PPP2R2A: variants seen among roughly 807,000 people sequenced by gnomAD.
PPP2R2A encodes protein phosphatase 2 regulatory subunit Balpha, also known as serine/threonine-protein phosphatase 2A 55 kDa regulatory subunit B alpha isoform.
In PPP2R2A, 9 loss-of-function variants were observed where a neutral mutation model predicts 53.2. The ratio of observed to expected loss-of-function variants is 0.17; its 90% CI spans 0.10 to 0.30. The LOEUF (loss-of-function observed/expected upper bound fraction) is 0.30, where lower values mean the gene tolerates loss of function less well. PPP2R2A is among the 10% of genes least tolerant of loss of function. PPP2R2A has a pLI of 1.00. For synonymous variants in PPP2R2A, 169 were observed against 174.2 expected, an observed-to-expected ratio of 0.97 and a Z score of 0.23; for missense variants, 235 against 534.6, an observed-to-expected ratio of 0.44 and a Z score of 5.53.
At position 26,371,567 on chromosome 8, in the gene PPP2R2A, CAT is replaced by C. The variant is rs1201611757; in HGVS notation, c.*1158_*1159del. On this transcript the variant is annotated 3_prime_UTR_variant, in exon 10 of 10. Transcript: ENST00000380737. Reference sequence around the variant, plus strand: ...AGTTAGAACTTTTTTGTTATTCAGTCATATAAAATAGCAGAAAACTAACATCA... The same window carrying C: ...AGTTAGAACTTTTTTGTTATTCAGTCATAAAATAGCAGAAAACTAACATCA... The C allele has an allele frequency of 3.9e-5, 6 of 152,054 alleles. No individual in the cohort carries two copies. Among genetic ancestry groups the C allele is most frequent in the African/African-American group, 1.2e-4 (5 of 41,398 alleles). The allele number at this position is 152,054 out of a possible 1,614,324, so 9.4% of individuals were successfully genotyped here. A position where few individuals can be genotyped will look rare whatever the true frequency, so the allele number is the denominator to read the frequency against.
In PPP2R2A at chr8:26,368,350, C is replaced by T. The variant is rs1805487569; in HGVS notation, c.1065-1784C>T. Reference sequence around the variant, plus strand: ...CCCAGTATCCTGTAATCCTTATTTACAATAATAATTTGAACCATTGGTAAG... The same window carrying T: ...CCCAGTATCCTGTAATCCTTATTTATAATAATAATTTGAACCATTGGTAAG... On this transcript the variant is annotated intron_variant, in intron 9 of 9. Coordinates refer to ENST00000380737, the MANE Select transcript of PPP2R2A (RefSeq NM_002717.4). 2.6e-5 allele frequency among the ~76,000 whole-genome samples: 4 copies of T among 152,264 alleles called. No individual in the cohort carries two copies. In the South Asian group the frequency reaches 6.2e-4, roughly 24 times the overall value.
At chr8:26,329,659 T>A (rs1022649100) in intron 2 of PPP2R2A, among the ~76,000 whole-genome samples, 5 of 152,214 alleles carry the variant, frequency 3.3e-5, no homozygotes, top group Admixed American at 2.6e-4. Flanking sequence ...ATGGTCTGCA[T>A]AGCTTAGAAT....
At chr8:26,324,825 G>A (rs1480087674) in intron 2 of PPP2R2A, among the ~76,000 whole-genome samples, 1 of 152,060 alleles carries the variant, frequency 6.6e-6, no homozygotes, top group East Asian at 1.9e-4. Context: ...GGGAACCTAC[G>A]TCTTGCATCA....
rs1242557889 is a variant in PPP2R2A at position 26,362,163 on chromosome 8, C to T, written c.638-521C>T. 1.3e-5 allele frequency among the ~76,000 whole-genome samples: 2 copies of T among 151,236 alleles called. No homozygotes were observed. The highest frequency in any genetic ancestry group is 6.6e-5 in the Admixed American group (1 of 15,204). ...TAGATTAAGATTAGAAAAAGAAATT[C>T]ACGCAAGTCATGATGCATGATTGGG... On this transcript the variant is annotated intron_variant, in intron 6 of 9. Coordinates refer to ENST00000380737, the MANE Select transcript of PPP2R2A (RefSeq NM_002717.4). The surrounding 1 kb of genome is among the most constrained non-coding windows in gnomAD (Gnocchi z 4.4).
rs1490256681 is a variant in PPP2R2A, at chr8:26,338,734, G to C, written c.83-156G>C. Among the ~76,000 whole-genome samples, 1 of 152,180 alleles carries C rather than the reference G, an allele frequency of 6.6e-6. No individual in the cohort carries two copies. Reference sequence around the variant, plus strand: ...TTAGTGGATCAAAATATTTATGAAAGAACTTTAGATTCATGTTATTTCTGA... The same window carrying C: ...TTAGTGGATCAAAATATTTATGAAACAACTTTAGATTCATGTTATTTCTGA... On this transcript the variant is annotated intron_variant, in intron 2 of 9. Coordinates refer to ENST00000380737, the MANE Select transcript of PPP2R2A (RefSeq NM_002717.4). This position sits in a 1 kb window ranked among gnomAD's most constrained non-coding sequence, Gnocchi z 4.5.
chr8:26,331,440 G>A (rs1046305199), intron 2 of PPP2R2A, among the ~76,000 whole-genome samples: 2 of 152,150 alleles, frequency 1.3e-5, no homozygotes, highest in African/African-American at 4.8e-5. Context: ...GAAAGTAGTA[G>A]TGGTAAAAAT....
chr8:26,304,982 C>A (rs1347474866), intron 2 of PPP2R2A, among the ~76,000 whole-genome samples: 1 of 152,078 alleles, frequency 6.6e-6, no homozygotes, highest in Non-Finnish European at 1.5e-5. Context: ...ATACACTGTT[C>A]AGTAGTGTTA....
At chr8:26,293,475 T>C (rs181083418) in intron 1 of PPP2R2A, 191 bp from the exon 2 acceptor site, 1 of 689,850 alleles carries the variant, frequency 1.4e-6, no homozygotes, top group African/African-American at 1.8e-5. Context: ...ACCTGGAATC[T>C]TTTTTTTCTT....
At chr8:26,330,734 T>A (rs1803326605) in intron 2 of PPP2R2A, among the ~76,000 whole-genome samples, 1 of 152,198 alleles carries the variant, frequency 6.6e-6, no homozygotes, top group Non-Finnish European at 1.5e-5. Context: ...ACACTGGTTT[T>A]TCTTCTGATT....
intron 2 of PPP2R2A, among the ~76,000 whole-genome samples, chr8:26,312,725 G>A (rs1468154948): frequency 6.6e-6 from 1 of 152,114 alleles, no homozygotes; most frequent in African/African-American, 2.4e-5. Flanking sequence ...CTTAGCAAAG[G>A]TGTGTTTTTT....
chr8:26,308,719 G>T (rs1802135630), intron 2 of PPP2R2A, among the ~76,000 whole-genome samples: 1 of 152,102 alleles, frequency 6.6e-6, no homozygotes, highest in South Asian at 2.1e-4. Context: ...TGTCAATGTT[G>T]ATATTTTGAC....
At chr8:26,344,562 C>CT (rs2117346119) in intron 3 of PPP2R2A, among the ~76,000 whole-genome samples, 1 of 152,262 alleles carries the variant, frequency 6.6e-6, no homozygotes, top group African/African-American at 2.4e-5. Flanking sequence ...GGAAAATGGA[C>CT]TAAGAGTTGA....
intron 2 of PPP2R2A, among the ~76,000 whole-genome samples, chr8:26,313,482 T>C (rs1802389183): frequency 6.6e-6 from 1 of 152,210 alleles, no homozygotes; most frequent in Non-Finnish European, 1.5e-5. Context: ...GTTGATTGTT[T>C]AAGCCAGTGT....
At chr8:26,330,307 C>CTTTTTTTTTTTTTTTTTTTTTTTT (rs11351968) in intron 2 of PPP2R2A, among the ~76,000 whole-genome samples, 3 of 129,950 alleles carry the variant, frequency 2.3e-5, no homozygotes, top group Non-Finnish European at 3.3e-5. Context: ...ATTCTTTTTT[C>CTTTTTTTTTTTTTTTTTTTTTTTT]TTTTTTTTTT....
intron 2 of PPP2R2A, among the ~76,000 whole-genome samples, chr8:26,324,174 G>A (rs1802976246): frequency 6.6e-6 from 1 of 152,168 alleles, no homozygotes; most frequent in Non-Finnish European, 1.5e-5. Context: ...TCATTCCTAT[G>A]TCTTCATTTT....
rs372615585 is a variant in PPP2R2A at position 26,293,797 on chromosome 8, A to G, written c.82+57A>G. ...TATAATTTTTGCAGAAATGTTTCCT[A>G]CTGGAGGATTTCCTTGAAGCCGAGA... On this transcript the variant is annotated intron_variant, in intron 2 of 9. Transcript: ENST00000380737. 3.5e-3 allele frequency: 5,305 copies of G among 1,499,618 alleles called. 55 individuals are homozygous for G. Among genetic ancestry groups the G allele is most frequent in the South Asian group, 0.013 (1,130 of 88,010 alleles). 92.9% of individuals were successfully genotyped at this position (1,499,618 alleles called of 1,614,324 possible). A position where few individuals can be genotyped will look rare whatever the true frequency, so the allele number is the denominator to read the frequency against.
chr8:26,309,895 A>G (rs1019447019), intron 2 of PPP2R2A, among the ~76,000 whole-genome samples: 6 of 152,174 alleles, frequency 3.9e-5, no homozygotes, highest in Non-Finnish European at 7.3e-5. Context: ...TTGGTCACAG[A>G]TGACCATAAC....
chr8:26,343,559 A>G (rs1804059714), intron 3 of PPP2R2A, among the ~76,000 whole-genome samples: 2 of 151,888 alleles, frequency 1.3e-5, no homozygotes, highest in African/African-American at 2.4e-5. Flanking sequence ...TTTGGTAGAG[A>G]TGGGTTTTCA....
rs967251772 is a variant in PPP2R2A, at chr8:26,370,038, T to C, written c.1065-96T>C. 1.6e-5 allele frequency: 21 copies of C among 1,328,598 alleles called. No individual in the cohort carries two copies. The highest frequency in any genetic ancestry group is 2.0e-5 in the Non-Finnish European group (19 of 959,086). The allele number at this position is 1,328,598 out of a possible 1,614,324, so 82.3% of individuals were successfully genotyped here. ...CTGTCCCTTAGTTTAAATCTGCTTTTGAAGTAGCTTCCTATGGTTTAATTG... is the reference window on the plus strand; with the variant it reads ...CTGTCCCTTAGTTTAAATCTGCTTTCGAAGTAGCTTCCTATGGTTTAATTG... On this transcript the variant is annotated intron_variant, in intron 9 of 9. Coordinates refer to ENST00000380737, the MANE Select transcript of PPP2R2A (RefSeq NM_002717.4). This position sits in a 1 kb window ranked among gnomAD's most constrained non-coding sequence, Gnocchi z 6.1.
Sources: gnomAD v4.1 joint callset for allele counts (sites outside exome capture counted in the v4.1 genomes callset) on GRCh38, gnomAD v4.1.1 for gene constraint, Gnocchi (gnomAD v3.1) non-coding constraint, MANE v1.5 for transcripts, NCBI Gene and HGNC (gene_info 2026-07-23, HGNC 2026-07-21) for gene names.